ACSS3: variants seen among roughly 807,000 people sequenced by gnomAD.
ACSS3 encodes the protein acyl-CoA synthetase short chain family member 3, also known as acyl-CoA synthetase short-chain family member 3, mitochondrial.
Under a neutral mutation model 84.2 loss-of-function variants are expected in ACSS3, and 64 were observed. That is an observed-to-expected ratio of 0.76 (90% CI 0.62 to 0.94). The LOEUF (loss-of-function observed/expected upper bound fraction) is 0.94, where lower values mean the gene tolerates loss of function less well. ACSS3 is among the 40% of genes least tolerant of loss of function. ACSS3 has a pLI of 0.00. For missense variants in ACSS3, 815 were observed against 867.6 expected, an observed-to-expected ratio of 0.94 and a Z score of 0.76; for synonymous variants, 317 against 310.1, an observed-to-expected ratio of 1.02 and a Z score of -0.23.
intron 7 of ACSS3, among the ~76,000 whole-genome samples, chr12:81,159,586 T>A (rs1887049979): frequency 6.6e-6 from 1 of 152,148 alleles, no homozygotes; most frequent in Admixed American, 6.5e-5. Context: ...GAGGAAAAAA[T>A]TGAATGGTAC....
intron 13 of ACSS3, among the ~76,000 whole-genome samples, chr12:81,241,965 T>G (rs1230131992): frequency 1.3e-5 from 2 of 152,178 alleles, no homozygotes; most frequent in African/African-American, 4.8e-5. Context: ...TTTTTATGGT[T>G]TTAGGTCTAA....
At chr12:81,096,783 C>G (rs1565973152) in intron 1 of ACSS3, among the ~76,000 whole-genome samples, 1 of 152,152 alleles carries the variant, frequency 6.6e-6, no homozygotes, top group South Asian at 2.1e-4. Context: ...ATCCATGTCC[C>G]TGCAAAGGAC....
chr12:81,160,367 A>G (rs1009089728), intron 7 of ACSS3, among the ~76,000 whole-genome samples: 1 of 152,228 alleles, frequency 6.6e-6, no homozygotes, highest in African/African-American at 2.4e-5. Context: ...TAATTCAACA[A>G]TTAACTTTGA....
At chr12:81,114,959 G>A (rs1216245463) in intron 2 of ACSS3, among the ~76,000 whole-genome samples, 1 of 152,018 alleles carries the variant, frequency 6.6e-6, no homozygotes, top group East Asian at 1.9e-4. Context: ...ACATCTAAAG[G>A]TTTACCTGCT....
rs545131003 is a variant in ACSS3 at position 81,176,276 on chromosome 12, T to A, written c.1250+1337T>A. Among the ~76,000 whole-genome samples the A allele has an allele frequency of 4.6e-5, 7 of 152,212 alleles. No individual in the cohort carries two copies. The East Asian group carries it at 1.2e-3, about 25-fold the overall frequency. On this transcript the variant is annotated intron_variant, in intron 8 of 15. Coordinates refer to ENST00000548058, the MANE Select transcript of ACSS3 (RefSeq NM_024560.4). ...TGGATAAATTTCTGAAAACATACAA[T>A]CTCTTGAGATTGAACCAAGAGGCTG...
At chr12:81,224,274 C>T (rs2033199815) in intron 11 of ACSS3, among the ~76,000 whole-genome samples, 1 of 151,830 alleles carries the variant, frequency 6.6e-6, no homozygotes, top group Admixed American at 6.6e-5. Context: ...CTTTTACATT[C>T]TTATAACTAC....
intron 1 of ACSS3, among the ~76,000 whole-genome samples, chr12:81,089,283 T>C (rs1881520101): frequency 1.3e-5 from 2 of 151,882 alleles, no homozygotes; most frequent in South Asian, 4.1e-4. Context: ...TACTATTTCT[T>C]TTTATTTTTC....
chr12:81,108,769 A>T (rs1299460696), intron 1 of ACSS3, among the ~76,000 whole-genome samples: 1 of 152,148 alleles, frequency 6.6e-6, no homozygotes, highest in Non-Finnish European at 1.5e-5. Flanking sequence ...CTGACATTGG[A>T]AGAAATGGAC....
chr12:81,167,616 A>T (rs1887463614), intron 7 of ACSS3, among the ~76,000 whole-genome samples: 1 of 152,134 alleles, frequency 6.6e-6, no homozygotes, highest in South Asian at 2.1e-4. Context: ...ACAAAAGAGA[A>T]CAAACTCACT....
At chr12:81,230,071 C>A (rs1446079204) in intron 11 of ACSS3, among the ~76,000 whole-genome samples, 2 of 151,998 alleles carry the variant, frequency 1.3e-5, no homozygotes, top group East Asian at 3.9e-4. Flanking sequence ...TATGTGGACA[C>A]TAGCCATCTG....
At chr12:81,244,751 GC>G (rs2033926093) in intron 13 of ACSS3, among the ~76,000 whole-genome samples, 1 of 152,074 alleles carries the variant, frequency 6.6e-6, no homozygotes, top group African/African-American at 2.4e-5. Context: ...TCTCTGCTCA[GC>G]TTACATTAAT....
intron 9 of ACSS3, among the ~76,000 whole-genome samples, chr12:81,216,224 A>T (rs979228295): frequency 4.0e-5 from 6 of 151,224 alleles, no homozygotes; most frequent in Admixed American, 1.3e-4. Flanking sequence ...ATTTTAGGGT[A>T]CGTGTGCACA....
chr12:81,109,591 A>G lies in ACSS3; in HGVS notation c.343A>G (p.Asn115Asp), dbSNP rs749183389. The G allele has an allele frequency of 1.2e-6, 2 of 1,612,356 alleles. No individual in the cohort carries two copies. The highest frequency in any genetic ancestry group is 1.7e-6 in the Non-Finnish European group (2 of 1,179,204). ...GGAAGGAATGCTTAACATTTGTTAC[A>G]ATGCCGTTGATCGTCATATTGAAAA... ...FVEGMLNICY[N>D]AVDRHIENGK... is the part of the protein sequence containing the mutation. Residue 115 changes from asparagine to aspartate, a missense_variant, in exon 2 of 16, where the codon AAT (asparagine) becomes GAT (aspartate). Coordinates refer to ENST00000548058, the MANE Select transcript of ACSS3 (RefSeq NM_024560.4).
chr12:81,091,813 A>G (rs776436783), intron 1 of ACSS3, among the ~76,000 whole-genome samples: 14 of 152,148 alleles, frequency 9.2e-5, no homozygotes, highest in Non-Finnish European at 1.9e-4. Flanking sequence ...GTTACAGGAT[A>G]CAAAACATGT....
At chr12:81,221,916 G>A (rs933527841) in intron 11 of ACSS3, among the ~76,000 whole-genome samples, 3 of 152,082 alleles carry the variant, frequency 2.0e-5, no homozygotes, top group Admixed American at 6.6e-5. Context: ...CAAGATCTCA[G>A]AGGTGGCATT....
At chr12:81,237,513 G>A (rs1345661727) in intron 13 of ACSS3, among the ~76,000 whole-genome samples, 3 of 151,542 alleles carry the variant, frequency 2.0e-5, no homozygotes, top group Admixed American at 1.3e-4. Context: ...CTTAAAAGAT[G>A]TTTAGATTTT....
intron 13 of ACSS3, among the ~76,000 whole-genome samples, chr12:81,241,936 C>T (rs1451149279): frequency 3.3e-5 from 5 of 152,212 alleles, no homozygotes; most frequent in African/African-American, 1.2e-4. Context: ...AATGGTAATG[C>T]CTAGGTTTTC....
Position 81,095,373 on chromosome 12 carries a change from A to C in ACSS3, c.312-14187A>C. 2.6e-5 allele frequency among the ~76,000 whole-genome samples: 4 copies of C among 152,304 alleles called. 1 individual carries two copies. In the Middle Eastern group the frequency reaches 0.014, roughly 518 times the overall value. On this transcript the variant is annotated intron_variant, in intron 1 of 15. Coordinates refer to ENST00000548058, the MANE Select transcript of ACSS3 (RefSeq NM_024560.4). The stretch of plus-strand genomic sequence containing the variant: ...TTGAATTTAATATACTTATGCTTTG[A>C]AACCTAAATGTTTTTATCTTTTACT...
At position 81,174,782 on chromosome 12, in the gene ACSS3, T is replaced by A; in HGVS notation, c.1099-6T>A. 1 of 1,610,884 alleles carries A rather than the reference T, an allele frequency of 6.2e-7. No individual in the cohort carries two copies. Among genetic ancestry groups the A allele is most frequent in the East Asian group, 2.2e-5 (1 of 44,856 alleles). On this transcript the variant is annotated splice_polypyrimidine_tract_variant and splice_region_variant and intron_variant, in intron 7 of 15. Coordinates refer to ENST00000548058, the MANE Select transcript of ACSS3 (RefSeq NM_024560.4). ...CCAGTGACATTTTAAATGAATCTCA[T>A]TGTAGGGGAAGCCTGTGGGAACACC...
Sources: gnomAD v4.1 joint callset for allele counts (sites outside exome capture counted in the v4.1 genomes callset) on GRCh38, gnomAD v4.1.1 for gene constraint, MANE v1.5 for transcripts, NCBI Gene and HGNC (gene_info 2026-07-23, HGNC 2026-07-21) for gene names.